PDE8B: variants seen among roughly 807,000 people sequenced by gnomAD.
PDE8B encodes high affinity cAMP-specific and IBMX-insensitive 3',5'-cyclic phosphodiesterase 8B.
A neutral mutation model predicts 101.3 loss-of-function variants in PDE8B; 26 were observed. The observed-to-expected ratio is 0.26, with a 90% CI of 0.19 to 0.36. The LOEUF is 0.36. Among genes scored for constraint, PDE8B ranks in the 10% least tolerant of loss-of-function variants. The probability of loss-of-function intolerance (pLI) is 1.00; values close to 1 mark genes in which losing one functional copy is unlikely to be tolerated. For synonymous variants in PDE8B, 424 were observed against 429.3 expected (o/e 0.99, Z 0.15); for missense variants, 810 against 1,163.1 (o/e 0.70, Z 4.42).
chr5:77,264,293 A>G lies in PDE8B; in HGVS notation c.340-47701A>G, dbSNP rs535211236. The stretch of plus-strand genomic sequence containing the variant: ...TTTCAGGTATGTACCTAGGGGTGAA[A>G]TTGCTGGGTCATATGGTAACTCTGT... On this transcript the variant is annotated intron_variant, in intron 1 of 21. Transcript: ENST00000264917. 5.9e-5 allele frequency among the ~76,000 whole-genome samples: 9 copies of G among 152,322 alleles called. No homozygotes were observed. In the South Asian group the frequency reaches 1.0e-3, roughly 18 times the overall value.
At chr5:77,339,412 G>C (rs1554083745) in intron 6 of PDE8B, among the ~76,000 whole-genome samples, 1 of 152,160 alleles carries the variant, frequency 6.6e-6, no homozygotes, top group Non-Finnish European at 1.5e-5. Flanking sequence ...GGTGGGTTCT[G>C]CCTCAACCTT....
intron 10 of PDE8B, among the ~76,000 whole-genome samples, chr5:77,377,962 T>C (rs1304555802): frequency 6.6e-6 from 1 of 151,686 alleles, no homozygotes; most frequent in Non-Finnish European, 1.5e-5. Context: ...TGTGAGCCAA[T>C]TTATATAATA....
intron 1 of PDE8B, among the ~76,000 whole-genome samples, chr5:77,254,574 C>A (rs1175869260): frequency 3.3e-5 from 5 of 152,152 alleles, no homozygotes; most frequent in African/African-American, 1.2e-4. Flanking sequence ...GCTGATCTTT[C>A]AGGCTTTGTT....
chr5:77,272,785 C>T (rs1351748015), intron 1 of PDE8B, among the ~76,000 whole-genome samples: 1 of 152,050 alleles, frequency 6.6e-6, no homozygotes, highest in Non-Finnish European at 1.5e-5. Flanking sequence ...CAAAAATAAC[C>T]GAAGGTCCTA....
chr5:77,320,620 C>A lies in PDE8B; in HGVS notation c.400-4919C>A, dbSNP rs565907528. 2.6e-5 allele frequency among the ~76,000 whole-genome samples: 4 copies of A among 152,208 alleles called. No homozygotes were observed. In the South Asian group the frequency reaches 8.3e-4, roughly 32 times the overall value. On this transcript the variant is annotated intron_variant, in intron 2 of 21. Coordinates refer to ENST00000264917, the MANE Select transcript of PDE8B (RefSeq NM_003719.5). ...ACTGGCCTATGGCTATTTCTGTCAT[C>A]TTTTTATTCCCAGTTCTTAACATCT...
chr5:77,366,721 G>A (rs1027449585), intron 10 of PDE8B, among the ~76,000 whole-genome samples: 4 of 152,202 alleles, frequency 2.6e-5, no homozygotes, highest in Non-Finnish European at 5.9e-5. Flanking sequence ...TCTGATGAAT[G>A]TTGTCCCTCA....
chr5:77,425,730 A>G (rs960731633), intron 20 of PDE8B, 37 bp from the exon 21 acceptor site: 1 of 1,609,388 alleles, frequency 6.2e-7, no homozygotes, highest in African/African-American at 1.3e-5. Flanking sequence ...AGTGTCTCGC[A>G]TGTCCTCCAG....
chr5:77,121,109 C>T, the PDE8B span, among the ~76,000 whole-genome samples: 1 of 152,238 alleles, frequency 6.6e-6, no homozygotes, highest in Non-Finnish European at 1.5e-5. Flanking sequence ...CAGCTATTCT[C>T]CACAATTCCT....
chr5:77,349,655 A>G (rs1269427423), intron 8 of PDE8B, 96 bp downstream of exon 8: 36 of 1,318,286 alleles, frequency 2.7e-5, no homozygotes, highest in Non-Finnish European at 3.4e-5. Context: ...AGCTTTTTTA[A>G]TAATGTCATA....
intron 1 of PDE8B, among the ~76,000 whole-genome samples, chr5:77,236,155 CA>C (rs1451012057): frequency 6.6e-6 from 1 of 152,182 alleles, no homozygotes; most frequent in Admixed American, 6.5e-5. Context: ...ATACCCCAGA[CA>C]GTGGGAGGTC....
At chr5:77,328,471 G>T (rs1776476391) in intron 3 of PDE8B, among the ~76,000 whole-genome samples, 1 of 150,910 alleles carries the variant, frequency 6.6e-6, no homozygotes, top group Non-Finnish European at 1.5e-5. Context: ...ACAAACTACA[G>T]CAGGACTGAA....
At chr5:77,146,372 G>GC in the PDE8B span, 32 of 152,442 alleles carry the variant, frequency 2.1e-4, no homozygotes, top group African/African-American at 7.7e-4. Context: ...CTCGCCATGA[G>GC]TGTGGATGGA....
intron 10 of PDE8B, among the ~76,000 whole-genome samples, chr5:77,394,498 T>C (rs1168617377): frequency 2.0e-5 from 3 of 152,176 alleles, no homozygotes; most frequent in Non-Finnish European, 2.9e-5. Flanking sequence ...CACTAAGGGC[T>C]GTCAAGTGAA....
chr5:77,326,606 T>C (rs981765839), intron 3 of PDE8B, among the ~76,000 whole-genome samples: 1 of 152,256 alleles, frequency 6.6e-6, no homozygotes, highest in Non-Finnish European at 1.5e-5. Context: ...GTTTTAGATA[T>C]GTTTTAATGG....
chr5:77,290,703 C>G, intron 1 of PDE8B: 1 of 1,503,214 alleles, frequency 6.7e-7, no homozygotes, highest in South Asian at 1.1e-5. Flanking sequence ...TTCTGAAAGA[C>G]CTGGCCATGC....
chr5:77,302,973 A>G (rs1770312739), intron 1 of PDE8B, among the ~76,000 whole-genome samples: 1 of 152,192 alleles, frequency 6.6e-6, no homozygotes, highest in Admixed American at 6.5e-5. Context: ...ATTTTATTTT[A>G]CCAAGTTTCA....
chr5:77,204,011 TA>T, the PDE8B span, among the ~76,000 whole-genome samples: 213 of 148,126 alleles, frequency 1.4e-3, 1 homozygote, highest in East Asian at 0.016. Flanking sequence ...TTGTAAATGT[TA>T]AAAAAAAATT....
At chr5:77,104,269 C>A in the PDE8B span, among the ~76,000 whole-genome samples, 1 of 152,174 alleles carries the variant, frequency 6.6e-6, no homozygotes, top group African/African-American at 2.4e-5. Context: ...CGGGAGGGAG[C>A]TCAGTATAGT....
chr5:77,133,174 C>T, the PDE8B span, among the ~76,000 whole-genome samples: 1 of 152,316 alleles, frequency 6.6e-6, no homozygotes, highest in East Asian at 1.9e-4. Flanking sequence ...GCTTGAAAAA[C>T]ACTTGTGTGG....
Sources: gnomAD v4.1 joint callset for allele counts (sites outside exome capture counted in the v4.1 genomes callset) on GRCh38, gnomAD v4.1.1 for gene constraint, MANE v1.5 for transcripts, NCBI Gene and HGNC (gene_info 2026-07-23, HGNC 2026-07-21) for gene names.